DIS3L2: variants seen among roughly 807,000 people sequenced by gnomAD.
The protein encoded by DIS3L2 is DIS3 like 3'-5' exoribonuclease 2.
In DIS3L2, 34 loss-of-function variants were observed where a neutral mutation model predicts 97.5. The observed-to-expected ratio is 0.35, with a 90% CI of 0.27 to 0.46. The LOEUF (loss-of-function observed/expected upper bound fraction) is 0.46, where lower values mean the gene tolerates loss of function less well. Among genes scored for constraint, DIS3L2 ranks in the 20% least tolerant of loss-of-function variants. DIS3L2 has a pLI of 1.00. For synonymous variants in DIS3L2, 435 were observed against 445.2 expected (o/e 0.98, Z 0.29); for missense variants, 1,038 against 1,146.0 (o/e 0.91, Z 1.36).
intron 5 of DIS3L2, among the ~76,000 whole-genome samples, chr2:232,039,300 A>G (rs1188027932): frequency 3.9e-5 from 6 of 152,210 alleles, no homozygotes; most frequent in Admixed American, 2.0e-4. Flanking sequence ...GAATATAAAC[A>G]TCTCCAAACA....
chr2:232,154,095 T>C (rs1690404003), intron 8 of DIS3L2, among the ~76,000 whole-genome samples: 1 of 101,582 alleles, frequency 9.8e-6, no homozygotes, highest in Non-Finnish European at 2.0e-5. Context: ...ATTCTAGTTA[T>C]ACATTCTTCT....
At chr2:232,118,140 G>A (rs186937308) in intron 6 of DIS3L2, among the ~76,000 whole-genome samples, 1 of 152,298 alleles carries the variant, frequency 6.6e-6, no homozygotes, top group Admixed American at 6.5e-5. Flanking sequence ...CTCTCTATGT[G>A]GCCGCATGCT....
At chr2:232,052,686 T>TTC (rs1695443340) in intron 5 of DIS3L2, among the ~76,000 whole-genome samples, 1 of 152,250 alleles carries the variant, frequency 6.6e-6, no homozygotes, top group African/African-American at 2.4e-5. Flanking sequence ...CATGTGTCTC[T>TTC]TCCTCTTTCC....
At chr2:232,072,229 T>G (rs538091267) in intron 5 of DIS3L2, among the ~76,000 whole-genome samples, 2 of 152,126 alleles carry the variant, frequency 1.3e-5, no homozygotes, top group African/African-American at 4.8e-5. Flanking sequence ...AATAAAATAC[T>G]ACATGTAGCA....
At chr2:231,997,037 C>T (rs1325366887) in intron 1 of DIS3L2, among the ~76,000 whole-genome samples, 1 of 152,174 alleles carries the variant, frequency 6.6e-6, no homozygotes, top group East Asian at 1.9e-4. Context: ...TTGTCTGTCT[C>T]CTCCCCTAGA....
At chr2:232,112,203 C>G (rs1313378890) in intron 6 of DIS3L2, among the ~76,000 whole-genome samples, 30 of 152,214 alleles carry the variant, frequency 2.0e-4, no homozygotes, top group Admixed American at 2.0e-3. Flanking sequence ...TCTAGTTCCA[C>G]TCTGCTGCTT....
Position 232,039,536 on chromosome 2 carries a change from G to A in DIS3L2, c.366+9456G>A, listed in dbSNP as rs1372281371. On this transcript the variant is annotated intron_variant, in intron 5 of 20. Transcript: ENST00000325385. ...TAGTAAATAGTCAATTTATTTCACA[G>A]CATGATTTTTGGCAAAATAGATAGC... Among the ~76,000 whole-genome samples the A allele has an allele frequency of 2.6e-5, 4 of 152,118 alleles. No individual in the cohort carries two copies. The East Asian group carries it at 7.7e-4, about 29-fold the overall frequency.
In DIS3L2 at chr2:232,335,010, G is replaced by A. The variant is rs868369473; in HGVS notation, c.2394+275G>A. 46 of 445,644 alleles carry A rather than the reference G, an allele frequency of 1.0e-4. No homozygotes were observed. In the Middle Eastern group the frequency reaches 3.1e-3, roughly 30 times the overall value. The allele number at this position is 445,644 out of a possible 1,614,324, so 27.6% of individuals were successfully genotyped here. A position where few individuals can be genotyped will look rare whatever the true frequency, so the allele number is the denominator to read the frequency against. On this transcript the variant is annotated intron_variant, in intron 19 of 20. Coordinates refer to ENST00000325385, the MANE Select transcript of DIS3L2 (RefSeq NM_152383.5). ...GCTCGGCAGGGTGTGCAGGCTTTGG[G>A]GACTGTGTTTATAGGAACGTGAAGG... is the stretch of plus-strand genomic sequence containing the variant.
At chr2:232,006,347 A>G (rs1451946782) in intron 1 of DIS3L2, among the ~76,000 whole-genome samples, 3 of 152,234 alleles carry the variant, frequency 2.0e-5, no homozygotes, top group African/African-American at 7.2e-5. Context: ...CTGAATTCAG[A>G]CAGTGCTAAT....
At chr2:232,046,206 G>C (rs1212734842) in intron 5 of DIS3L2, among the ~76,000 whole-genome samples, 1 of 152,136 alleles carries the variant, frequency 6.6e-6, no homozygotes, top group Admixed American at 6.5e-5. Flanking sequence ...TTGAAAGGGA[G>C]GAGGTTGAGC....
intron 10 of DIS3L2, among the ~76,000 whole-genome samples, chr2:232,237,091 T>C (rs1219741357): frequency 6.6e-6 from 1 of 152,186 alleles, no homozygotes; most frequent in African/African-American, 2.4e-5. Flanking sequence ...TTGTAATTGG[T>C]TCATTTTCTG....
At chr2:232,045,064 C>T (rs1695200414) in intron 5 of DIS3L2, among the ~76,000 whole-genome samples, 1 of 152,110 alleles carries the variant, frequency 6.6e-6, no homozygotes, top group East Asian at 1.9e-4. Context: ...GAGAAAAAAT[C>T]CTGGGTGTCA....
intron 11 of DIS3L2, among the ~76,000 whole-genome samples, chr2:232,242,229 G>A (rs767588983): frequency 6.6e-6 from 1 of 152,206 alleles, no homozygotes; most frequent in African/African-American, 2.4e-5. Context: ...GTGTAAGTAG[G>A]GAGCTAGCTG....
rs3020188 is a variant in DIS3L2 at position 232,331,304 on chromosome 2, A to C, written c.2010+528A>C. 1.2e-4 allele frequency among the ~76,000 whole-genome samples: 16 copies of C among 129,696 alleles called. No individual in the cohort carries two copies. In the Admixed American group the frequency reaches 1.2e-3, roughly 10 times the overall value. 85.1% of individuals were successfully genotyped at this position (129,696 alleles called of 152,430 possible). On this transcript the variant is annotated intron_variant, in intron 16 of 20. Transcript: ENST00000325385. Reference sequence around the variant, plus strand: ...CAGCGCCCCAGGCTGAGCTTCCCCCATGCAGGGCCCGAGCATCCTGGGACC... The same window carrying C: ...CAGCGCCCCAGGCTGAGCTTCCCCCCTGCAGGGCCCGAGCATCCTGGGACC...
chr2:232,133,340 A>G (rs1023823639), intron 7 of DIS3L2, among the ~76,000 whole-genome samples: 3 of 152,196 alleles, frequency 2.0e-5, no homozygotes, highest in African/African-American at 2.4e-5. Context: ...TGCAAAGGCT[A>G]TTTTCCAAGG....
rs372221226 is a variant in DIS3L2 at position 232,324,385 on chromosome 2, T to C, written c.1740-5428T>C. Among the ~76,000 whole-genome samples the C allele has an allele frequency of 8.6e-3, 1,303 of 152,238 alleles. 18 individuals carry two copies. Among genetic ancestry groups the C allele is most frequent in the African/African-American group, 0.029 (1,218 of 41,544 alleles). Reference sequence around the variant, plus strand: ...TGGCCTCATTCCATTAGCAGGAGCCTCCCACAGAGCGTGACAAGGGCCCTG... The same window carrying C: ...TGGCCTCATTCCATTAGCAGGAGCCCCCCACAGAGCGTGACAAGGGCCCTG... On this transcript the variant is annotated intron_variant, in intron 14 of 20. Coordinates refer to ENST00000325385, the MANE Select transcript of DIS3L2 (RefSeq NM_152383.5).
In DIS3L2 at chr2:232,037,598, C is replaced by CA. The variant is rs1332751357; in HGVS notation, c.366+7519dup. Among the ~76,000 whole-genome samples, 2 of 152,182 alleles carry CA rather than the reference C, an allele frequency of 1.3e-5. No homozygotes were observed. The highest frequency in any genetic ancestry group is 2.9e-5 in the Non-Finnish European group (2 of 68,016). On this transcript the variant is annotated intron_variant, in intron 5 of 20. Coordinates refer to ENST00000325385, the MANE Select transcript of DIS3L2 (RefSeq NM_152383.5). The surrounding 1 kb of genome is among the most constrained non-coding windows in gnomAD (Gnocchi z 4.6). ...ACTGGGGTACGAAAAAAAACTCCTG[C>CA]AGCTAGCTCGGTGTCTGCCCAAACG...
At chr2:232,113,455 A>G (rs569066859) in intron 6 of DIS3L2, among the ~76,000 whole-genome samples, 2 of 152,342 alleles carry the variant, frequency 1.3e-5, no homozygotes, top group South Asian at 4.1e-4. Flanking sequence ...GCCTGCATGA[A>G]TATGCTTAGA....
intron 5 of DIS3L2, among the ~76,000 whole-genome samples, chr2:232,078,003 TTCTTTCTTTCTTTCTTTTTCTCTTTC>T (rs1559602378): frequency 7.1e-6 from 1 of 140,446 alleles, no homozygotes; most frequent in African/African-American, 2.8e-5. Flanking sequence ...CTTTCTTTCT[TTCTTTCTTTCTTTCTTTTTCTCTTTC>T]TCTTTCTCTT....
Sources: allele counts gnomAD v4.1 joint callset (sites outside exome capture counted in the v4.1 genomes callset), GRCh38; gene constraint gnomAD v4.1.1; non-coding constraint Gnocchi (gnomAD v3.1); transcripts MANE v1.5; gene names NCBI Gene and HGNC (gene_info 2026-07-23, HGNC 2026-07-21).